CYTH3: variants seen among roughly 807,000 people sequenced by gnomAD.
The protein encoded by CYTH3 is cytohesin-3.
A neutral mutation model predicts 55.1 loss-of-function variants in CYTH3; 23 were observed. The ratio of observed to expected loss-of-function variants is 0.42; its 90% confidence interval spans 0.30 to 0.59. The LOEUF is 0.59. Ranked by LOEUF, CYTH3 falls within the 20% of genes least tolerant of loss-of-function variation. The pLI, the probability that CYTH3 is intolerant of heterozygous loss-of-function variation, is 0.20. For synonymous variants in CYTH3, 249 were observed against 194.9 expected, an observed-to-expected ratio of 1.28 and a Z score of -2.31; for missense variants, 413 against 524.8, an observed-to-expected ratio of 0.79 and a Z score of 2.08.
intron 1 of CYTH3, 75 bp from the exon 2 acceptor site, chr7:6,190,606 T>C: frequency 8.6e-7 from 1 of 1,162,504 alleles, no homozygotes; most frequent in South Asian, 1.5e-5. Flanking sequence ...GGTGGGTACA[T>C]GCTGCCACCC....
intron 5 of CYTH3, among the ~76,000 whole-genome samples, chr7:6,176,393 C>T (rs1783352268): frequency 6.6e-6 from 1 of 150,774 alleles, no homozygotes; most frequent in Non-Finnish European, 1.5e-5. Flanking sequence ...TCTTGCATAG[C>T]TGAGAATACA....
intron 1 of CYTH3, among the ~76,000 whole-genome samples, chr7:6,238,349 ACTC>A (rs1359051514): frequency 6.6e-6 from 1 of 152,214 alleles, no homozygotes; most frequent in Non-Finnish European, 1.5e-5. Flanking sequence ...GAAATGATTT[ACTC>A]CTCCTCTAAA....
intron 4 of CYTH3, 74 bp downstream of exon 4, chr7:6,186,976 T>G: frequency 6.7e-7 from 1 of 1,487,640 alleles, no homozygotes. Flanking sequence ...CTGACCTCTG[T>G]CCAAAAGGGA....
chr7:6,220,730 T>A (rs1222558096), intron 1 of CYTH3, among the ~76,000 whole-genome samples: 1 of 152,082 alleles, frequency 6.6e-6, no homozygotes, highest in Non-Finnish European at 1.5e-5. Context: ...GCGCGGTGGC[T>A]CACACCTGTA....
intron 1 of CYTH3, among the ~76,000 whole-genome samples, chr7:6,233,768 T>C (rs1289559875): frequency 6.6e-6 from 1 of 152,150 alleles, no homozygotes; most frequent in Non-Finnish European, 1.5e-5. Flanking sequence ...CTTGGTCAGT[T>C]TGGGCTGCTA....
intron 1 of CYTH3, among the ~76,000 whole-genome samples, chr7:6,231,364 G>T (rs992620965): frequency 3.9e-5 from 6 of 152,212 alleles, no homozygotes; most frequent in African/African-American, 1.4e-4. Flanking sequence ...GAAACAGAGT[G>T]AGCACGAAGA....
chr7:6,228,500 G>A (rs1195477814), intron 1 of CYTH3, among the ~76,000 whole-genome samples: 1 of 152,120 alleles, frequency 6.6e-6, no homozygotes, highest in South Asian at 2.1e-4. Flanking sequence ...TAGGATTCAG[G>A]GGTCAGGCCA....
At chr7:6,207,716 G>A (rs1490495010) in intron 1 of CYTH3, among the ~76,000 whole-genome samples, 1 of 151,800 alleles carries the variant, frequency 6.6e-6, no homozygotes, top group African/African-American at 2.4e-5. Flanking sequence ...TTGGGAGGTC[G>A]AGGCAGGCAG....
intron 1 of CYTH3, among the ~76,000 whole-genome samples, chr7:6,252,250 G>A (rs549130883): frequency 3.3e-4 from 50 of 152,264 alleles, no homozygotes; most frequent in African/African-American, 1.2e-3. Flanking sequence ...ATACCAGCAT[G>A]AACATGAACA....
rs746044558 is a variant in CYTH3 at position 6,165,312 on chromosome 7, G to T, written c.1088C>A (p.Pro363Gln). Residue 363 changes from proline (P) to glutamine (Q), a missense_variant, in exon 12 of 13, where the codon CCG becomes CAG. Around this residue, in one of 4 missense-constraint regions of CYTH3, gnomAD observed 98 missense variants for 115.2 expected, o/e 0.85. Coordinates refer to ENST00000350796, the MANE Select transcript of CYTH3 (RefSeq NM_004227.4). ...CCACTCCTCCTTCTCCTCCGGGCTCGGGGCTGAGATCCGGTACACCACATG... is the reference window on the plus strand; with the variant it reads ...CCACTCCTCCTTCTCCTCCGGGCTCTGGGCTGAGATCCGGTACACCACATG... ...GNHVVYRISA[P>Q]SPEEKEEWMK... 3.1e-6 allele frequency: 5 copies of T among 1,613,952 alleles called. No homozygotes were observed. Among genetic ancestry groups the T allele is most frequent in the Middle Eastern group, 1.7e-4 (1 of 6,060 alleles).
intron 1 of CYTH3, among the ~76,000 whole-genome samples, chr7:6,231,576 G>GT (rs1489621142): frequency 6.6e-6 from 1 of 152,230 alleles, no homozygotes; most frequent in Non-Finnish European, 1.5e-5. Context: ...CTGGAGAAAT[G>GT]TATGTATCAA....
chr7:6,238,197 GC>G (rs1274996944), intron 1 of CYTH3, among the ~76,000 whole-genome samples: 2 of 152,152 alleles, frequency 1.3e-5, no homozygotes, highest in East Asian at 1.9e-4. Context: ...TTAGATGTGA[GC>G]TTTTGCATTG....
intron 1 of CYTH3, among the ~76,000 whole-genome samples, chr7:6,250,061 T>C (rs1408096533): frequency 6.6e-6 from 1 of 152,100 alleles, no homozygotes; most frequent in Admixed American, 6.5e-5. Flanking sequence ...GATTTTGGGG[T>C]GAACAGGGGA....
intron 1 of CYTH3, among the ~76,000 whole-genome samples, chr7:6,197,426 T>C (rs1583774851): frequency 6.6e-6 from 1 of 152,224 alleles, no homozygotes; most frequent in East Asian, 1.9e-4. Context: ...CTCACACCTG[T>C]AATCTCAGCA....
chr7:6,175,357 C>G (rs141731729), intron 5 of CYTH3, among the ~76,000 whole-genome samples: 1 of 152,078 alleles, frequency 6.6e-6, no homozygotes, highest in African/African-American at 2.4e-5. Flanking sequence ...GTAGAGTCTA[C>G]CTACTTTTAC....
Position 6,165,725 on chromosome 7 carries a change from C to T in CYTH3, c.900+9G>A. The T allele has an allele frequency of 6.2e-7, 1 of 1,614,160 alleles. No homozygotes were observed. Among genetic ancestry groups the T allele is most frequent in the Non-Finnish European group, 8.5e-7 (1 of 1,179,988 alleles). ...TGGGAGGCGGCAAGGAGGCCTGGCC[C>T]TTACTTACTGTTGTGTATTCAAAGT... On this transcript the variant is annotated intron_variant, in intron 10 of 12. Transcript: ENST00000350796.
At chr7:6,227,614 C>A (rs1409544456) in intron 1 of CYTH3, among the ~76,000 whole-genome samples, 1 of 152,202 alleles carries the variant, frequency 6.6e-6, no homozygotes, top group African/African-American at 2.4e-5. Flanking sequence ...ACACAAAAGG[C>A]TTTAGGCAGC....
At chr7:6,272,337 C>T (rs1780685844) in intron 1 of CYTH3, 137 bp downstream of exon 1, 1 of 852,118 alleles carries the variant, frequency 1.2e-6, no homozygotes, top group African/African-American at 1.8e-5. Flanking sequence ...TGCCTCAGGC[C>T]TCCAGCGGAC....
intron 1 of CYTH3, among the ~76,000 whole-genome samples, chr7:6,206,168 T>C (rs569164325): frequency 1.5e-3 from 230 of 152,308 alleles, no homozygotes; most frequent in African/African-American, 5.4e-3. Flanking sequence ...TGAATGTTCA[T>C]AGCAACACTA....
Sources: gnomAD v4.1 joint callset for allele counts (sites outside exome capture counted in the v4.1 genomes callset) on GRCh38, gnomAD v4.1.1 for gene constraint, gnomAD v4.1.1 regional missense constraint, MANE v1.5 for transcripts, NCBI Gene and HGNC (gene_info 2026-07-23, HGNC 2026-07-21) for gene names.